Variants in GPC6 observed in about 807,000 individuals in gnomAD.
GPC6 encodes the protein glypican 6, also known as glypican-6.
GPC6 carries 14 observed loss-of-function variants against 55.2 expected under a neutral mutation model. The ratio of observed to expected loss-of-function variants is 0.25; its 90% CI spans 0.17 to 0.40. The LOEUF is 0.40. GPC6 is among the 10% of genes least tolerant of loss of function. The pLI is 1.00. For missense variants in GPC6, 641 were observed against 708.5 expected, an observed-to-expected ratio of 0.90 and a Z score of 1.08; for synonymous variants, 278 against 259.6, an observed-to-expected ratio of 1.07 and a Z score of -0.68.
chr13:93,435,590 G>A (rs1160398878), intron 1 of GPC6, among the ~76,000 whole-genome samples: 3 of 150,896 alleles, frequency 2.0e-5, no homozygotes, highest in Non-Finnish European at 4.4e-5. Flanking sequence ...AACCACCAAC[G>A]AAAGAAACCA....
intron 1 of GPC6, among the ~76,000 whole-genome samples, chr13:93,535,644 T>C (rs1882031049): frequency 6.8e-6 from 1 of 147,668 alleles, no homozygotes; most frequent in African/African-American, 2.5e-5. Context: ...AAATAGGTGA[T>C]GGACTGTGTA....
intron 1 of GPC6, among the ~76,000 whole-genome samples, chr13:93,344,549 C>G (rs1880368228): frequency 1.3e-5 from 2 of 152,144 alleles, no homozygotes; most frequent in African/African-American, 4.8e-5. Context: ...CCTCTATAAC[C>G]CTGCTCTCTT....
At chr13:94,061,333 TGAAA>T (rs1468731707) in intron 4 of GPC6, among the ~76,000 whole-genome samples, 8 of 152,282 alleles carry the variant, frequency 5.3e-5, no homozygotes, top group African/African-American at 1.9e-4. Flanking sequence ...TATTTTTATA[TGAAA>T]GAAACACAAT....
chr13:94,073,624 T>C (rs778283299), intron 4 of GPC6, among the ~76,000 whole-genome samples: 1 of 152,170 alleles, frequency 6.6e-6, no homozygotes, highest in Non-Finnish European at 1.5e-5. Flanking sequence ...GGTGTCAGAT[T>C]ACACGGAGAT....
At chr13:93,849,376 A>C (rs1044065195) in intron 3 of GPC6, among the ~76,000 whole-genome samples, 1 of 152,054 alleles carries the variant, frequency 6.6e-6, no homozygotes, top group Non-Finnish European at 1.5e-5. Context: ...TTAAATACTC[A>C]TGGCATGTTG....
At chr13:94,042,479 A>T (rs1883578021) in intron 4 of GPC6, among the ~76,000 whole-genome samples, 1 of 151,744 alleles carries the variant, frequency 6.6e-6, no homozygotes, top group East Asian at 1.9e-4. Context: ...TCAGAATCCA[A>T]TCCAGGATTC....
intron 4 of GPC6, among the ~76,000 whole-genome samples, chr13:94,183,035 C>T (rs1422585118): frequency 6.6e-6 from 1 of 152,202 alleles, no homozygotes; most frequent in Non-Finnish European, 1.5e-5. Flanking sequence ...GCCTCAGCTT[C>T]CCAAAGTACT....
chr13:93,526,345 AAATTATTT>A (rs1419127722), intron 1 of GPC6, among the ~76,000 whole-genome samples: 2 of 152,014 alleles, frequency 1.3e-5, no homozygotes, highest in Non-Finnish European at 2.9e-5. Context: ...CTTTGAGGAG[AAATTATTT>A]AAATTGGGAG....
intron 2 of GPC6, among the ~76,000 whole-genome samples, chr13:93,766,021 C>A (rs1382472461): frequency 6.6e-6 from 1 of 152,130 alleles, no homozygotes; most frequent in Non-Finnish European, 1.5e-5. Context: ...GATACCTTGA[C>A]CTTTGAGACC....
intron 2 of GPC6, among the ~76,000 whole-genome samples, chr13:93,706,860 G>C (rs141408356): frequency 1.3e-5 from 2 of 151,996 alleles, no homozygotes; most frequent in Non-Finnish European, 2.9e-5. Flanking sequence ...TAACAGACTA[G>C]TGAGAATACA....
intron 1 of GPC6, among the ~76,000 whole-genome samples, chr13:93,235,244 A>G (rs141907216): frequency 1.0e-3 from 152 of 152,302 alleles, no homozygotes; most frequent in African/African-American, 3.5e-3. Context: ...GGGCCATGAA[A>G]GAAGGAGGCA....
At chr13:93,646,878 A>C (rs1880196907) in intron 2 of GPC6, among the ~76,000 whole-genome samples, 1 of 152,156 alleles carries the variant, frequency 6.6e-6, no homozygotes, top group African/African-American at 2.4e-5. Flanking sequence ...AAACAAAAAA[A>C]ACAAACTTGT....
intron 1 of GPC6, among the ~76,000 whole-genome samples, chr13:93,383,271 G>T (rs1054234703): frequency 1.6e-4 from 25 of 152,260 alleles, no homozygotes; most frequent in African/African-American, 5.1e-4. Context: ...GAATGCAGTG[G>T]TGCAAACATG....
intron 3 of GPC6, among the ~76,000 whole-genome samples, chr13:93,893,620 T>C (rs1875821958): frequency 6.6e-6 from 1 of 152,182 alleles, no homozygotes; most frequent in South Asian, 2.1e-4. Context: ...AGCTAATGTT[T>C]CTTCCACTCA....
At position 93,555,534 on chromosome 13, in the gene GPC6, G is replaced by T. The variant is rs899623070; in HGVS notation, c.319+10113G>T. 5.9e-5 allele frequency among the ~76,000 whole-genome samples: 9 copies of T among 152,090 alleles called. No homozygotes were observed. In the East Asian group the frequency reaches 1.7e-3, roughly 29 times the overall value. On this transcript the variant is annotated intron_variant, in intron 2 of 8. Coordinates refer to ENST00000377047, the MANE Select transcript of GPC6 (RefSeq NM_005708.5). ...AATTCTCATTATCCATTAACTCTTAGGGTCCATAAACCTGGAATTCATATG... is the reference window on the plus strand; with the variant it reads ...AATTCTCATTATCCATTAACTCTTATGGTCCATAAACCTGGAATTCATATG...
At chr13:93,719,444 A>G (rs1883371622) in intron 2 of GPC6, among the ~76,000 whole-genome samples, 1 of 152,054 alleles carries the variant, frequency 6.6e-6, no homozygotes, top group South Asian at 2.1e-4. Flanking sequence ...GTATCCTGAA[A>G]CTTTGCTGAA....
At chr13:93,531,554 A>ACAT (rs1881869350) in intron 1 of GPC6, among the ~76,000 whole-genome samples, 4 of 152,298 alleles carry the variant, frequency 2.6e-5, no homozygotes, top group African/African-American at 9.6e-5. Flanking sequence ...TGTGGATGTT[A>ACAT]ACCACATCTA....
rs35684567 is a variant in GPC6, at chr13:93,730,271, G to T, written c.320-99883G>T. 9.4e-3 allele frequency among the ~76,000 whole-genome samples: 1,436 copies of T among 152,226 alleles called. 20 individuals carry two copies. The highest frequency in any genetic ancestry group is 0.033 in the African/African-American group (1,374 of 41,552). Reference sequence around the variant, plus strand: ...ACACTCATCAAGTGCAGGAGACAGTGCTCTTAGGAGGAACAAGACAGTTGA... The same window carrying T: ...ACACTCATCAAGTGCAGGAGACAGTTCTCTTAGGAGGAACAAGACAGTTGA... On this transcript the variant is annotated intron_variant, in intron 2 of 8. Coordinates refer to ENST00000377047, the MANE Select transcript of GPC6 (RefSeq NM_005708.5).
chr13:93,803,384 A>T (rs7982621), intron 2 of GPC6, among the ~76,000 whole-genome samples: 1 of 152,222 alleles, frequency 6.6e-6, no homozygotes, highest in South Asian at 2.1e-4. Context: ...CCAGTATAAG[A>T]TACCTTTTCC....
Sources: gnomAD v4.1 joint callset for allele counts (sites outside exome capture counted in the v4.1 genomes callset) on GRCh38, gnomAD v4.1.1 for gene constraint, MANE v1.5 for transcripts, NCBI Gene and HGNC (gene_info 2026-07-23, HGNC 2026-07-21) for gene names.